Variants in ITPR1 observed in about 807,000 individuals in gnomAD.
ITPR1 encodes the protein inositol 1,4,5-trisphosphate-gated calcium channel ITPR1.
In ITPR1, 96 loss-of-function variants were observed where a neutral mutation model predicts 318.4. The observed-to-expected ratio is 0.30, with a 90% CI of 0.26 to 0.36. The LOEUF (loss-of-function observed/expected upper bound fraction) is 0.36, where lower values mean the gene tolerates loss of function less well. Ranked by LOEUF, ITPR1 falls within the 10% of genes least tolerant of loss-of-function variation. The pLI, the probability that ITPR1 is intolerant of heterozygous loss-of-function variation, is 1.00. For synonymous variants in ITPR1, 1,312 were observed against 1,289.9 expected (o/e 1.02, Z -0.37); for missense variants, 2,440 against 3,460.2 (o/e 0.71, Z 7.40).
chr3:4,556,950 C>T (rs1296701958), intron 4 of ITPR1, among the ~76,000 whole-genome samples: 2 of 152,088 alleles, frequency 1.3e-5, no homozygotes, highest in East Asian at 1.9e-4. Context: ...CTGAATGTTT[C>T]GTATGCAGTC....
intron 5 of ITPR1, among the ~76,000 whole-genome samples, chr3:4,633,088 G>A (rs887174880): frequency 4.6e-5 from 7 of 151,796 alleles, no homozygotes; most frequent in South Asian, 2.1e-4. Flanking sequence ...TCAGGGGTGC[G>A]TCACCACGCC....
chr3:4,607,985 A>G (rs886538613), intron 4 of ITPR1, among the ~76,000 whole-genome samples: 4 of 152,098 alleles, frequency 2.6e-5, no homozygotes, highest in African/African-American at 9.7e-5. Context: ...GCCTCTCATT[A>G]GCTTTACAAA....
intron 40 of ITPR1, among the ~76,000 whole-genome samples, chr3:4,725,022 GTCT>G (rs983287204): frequency 1.3e-5 from 2 of 152,126 alleles, no homozygotes; most frequent in African/African-American, 2.4e-5. Context: ...TGGAGCCTAG[GTCT>G]TCTTCTCTGC....
At chr3:4,820,775 G>T (rs766255128) in intron 60 of ITPR1, among the ~76,000 whole-genome samples, 2 of 152,188 alleles carry the variant, frequency 1.3e-5, no homozygotes, top group Non-Finnish European at 2.9e-5. Flanking sequence ...GTGCCTTCTC[G>T]CCTGCGCTGT....
At chr3:4,511,469 T>G (rs1340547859) in intron 2 of ITPR1, among the ~76,000 whole-genome samples, 1 of 152,216 alleles carries the variant, frequency 6.6e-6, no homozygotes, top group Non-Finnish European at 1.5e-5. Context: ...AAAGCCACCC[T>G]GGAAGAATCC....
At chr3:4,632,664 T>C (rs1254070691) in intron 5 of ITPR1, among the ~76,000 whole-genome samples, 1 of 152,170 alleles carries the variant, frequency 6.6e-6, no homozygotes, top group East Asian at 1.9e-4. Context: ...CTGGATGTGG[T>C]TCTTCAGCCC....
At chr3:4,587,308 C>CT (rs1420876253) in intron 4 of ITPR1, among the ~76,000 whole-genome samples, 1 of 125,664 alleles carries the variant, frequency 8.0e-6, no homozygotes, top group East Asian at 2.6e-4. Flanking sequence ...GAATCTTGGT[C>CT]TGTTGCCCAG....
intron 4 of ITPR1, among the ~76,000 whole-genome samples, chr3:4,621,300 A>C (rs912825208): frequency 1.3e-5 from 2 of 152,176 alleles, no homozygotes; most frequent in South Asian, 4.1e-4. Flanking sequence ...AAGGGGGAAG[A>C]GGCACATCAC....
chr3:4,576,419 A>T (rs1304684202), intron 4 of ITPR1, among the ~76,000 whole-genome samples: 1 of 152,178 alleles, frequency 6.6e-6, no homozygotes, highest in African/African-American at 2.4e-5. Context: ...CTTCACAAAG[A>T]GGTTTAGGTG....
At chr3:4,566,319 A>C (rs1386085085) in intron 4 of ITPR1, among the ~76,000 whole-genome samples, 1 of 152,086 alleles carries the variant, frequency 6.6e-6, no homozygotes, top group African/African-American at 2.4e-5. Context: ...CAGTTACCTT[A>C]ATGAACTCTG....
chr3:4,730,419 G>GTGTGTGTT lies in ITPR1; in HGVS notation c.5221-2668_5221-2667insGTGTGTTT, dbSNP rs1553715707. ...TGTGTGTGTGTGTGTGTGTGTGTGTGTTTCCCCCAGAATGAGCACATTTCA... is the reference window on the plus strand; with the variant it reads ...TGTGTGTGTGTGTGTGTGTGTGTGTGTGTGTGTTTTTCCCCCAGAATGAGCACATTTCA... On this transcript the variant is annotated intron_variant, in intron 42 of 61. Transcript: ENST00000649015. Among the ~76,000 whole-genome samples the GTGTGTGTT allele has an allele frequency of 2.3e-3, 244 of 105,728 alleles. 8 individuals carry two copies. The highest frequency in any genetic ancestry group is 3.1e-3 in the Non-Finnish European group (171 of 54,466). The allele number at this position is 105,728 out of a possible 152,430, so 69.4% of individuals were successfully genotyped here.
At chr3:4,498,233 A>G (rs898241975) in intron 2 of ITPR1, among the ~76,000 whole-genome samples, 8 of 152,230 alleles carry the variant, frequency 5.3e-5, no homozygotes, top group African/African-American at 1.9e-4. Context: ...AAGCAACAAA[A>G]CATGATGAGG....
chr3:4,621,341 G>A (rs2092623847), intron 4 of ITPR1, among the ~76,000 whole-genome samples: 1 of 151,962 alleles, frequency 6.6e-6, no homozygotes, highest in Non-Finnish European at 1.5e-5. Context: ...CAAGGTGGGA[G>A]GTGCCACACA....
At chr3:4,801,605 A>C (rs1303976296) in intron 54 of ITPR1, among the ~76,000 whole-genome samples, 1 of 152,122 alleles carries the variant, frequency 6.6e-6, no homozygotes, top group African/African-American at 2.4e-5. Flanking sequence ...CTCTACTAAA[A>C]ATACAAAAAT....
Position 4,733,074 on chromosome 3 carries a change from C to G in ITPR1, c.5221-14C>G. The G allele has an allele frequency of 6.2e-7, 1 of 1,609,790 alleles. No homozygotes were observed. The highest frequency in any genetic ancestry group is 1.7e-5 in the Admixed American group (1 of 59,482). ...AAATGCAGAAGCTGATTTTATTATC[C>G]TGTTTGAATTAAGGGTGAGGCGCTC... On this transcript the variant is annotated splice_polypyrimidine_tract_variant and intron_variant, in intron 42 of 61. Coordinates refer to ENST00000649015, the MANE Select transcript of ITPR1 (RefSeq NM_001378452.1).
At chr3:4,685,821 T>C (rs1425676503) in intron 30 of ITPR1, among the ~76,000 whole-genome samples, 4 of 152,250 alleles carry the variant, frequency 2.6e-5, no homozygotes, top group Non-Finnish European at 4.4e-5. Flanking sequence ...AAGACACTTA[T>C]GAAATCATTC....
At chr3:4,617,167 GT>G (rs1199279974) in intron 4 of ITPR1, among the ~76,000 whole-genome samples, 1 of 152,126 alleles carries the variant, frequency 6.6e-6, no homozygotes, top group Non-Finnish European at 1.5e-5. Context: ...CATCAGCAGT[GT>G]AGGAAGATTT....
intron 36 of ITPR1, among the ~76,000 whole-genome samples, chr3:4,705,040 G>A (rs2094728385): frequency 6.6e-6 from 1 of 151,982 alleles, no homozygotes; most frequent in Non-Finnish European, 1.5e-5. Context: ...GTGTGTGTAT[G>A]TTTTTAAATG....
intron 35 of ITPR1, among the ~76,000 whole-genome samples, chr3:4,701,151 A>G (rs1388860162): frequency 6.6e-6 from 1 of 152,186 alleles, no homozygotes; most frequent in African/African-American, 2.4e-5. Context: ...TGAGGTGTCA[A>G]ATAGGAGCAG....
Sources: gnomAD v4.1 joint callset for allele counts (sites outside exome capture counted in the v4.1 genomes callset) on GRCh38, gnomAD v4.1.1 for gene constraint, MANE v1.5 for transcripts, NCBI Gene and HGNC (gene_info 2026-07-23, HGNC 2026-07-21) for gene names.